The following PCDHA8 variants were observed in gnomAD, a reference collection of about 807,000 sequenced individuals.
PCDHA8 encodes protocadherin alpha-8.
Under a neutral mutation model 61.8 loss-of-function variants are expected in PCDHA8, and 53 were observed. The ratio of observed to expected loss-of-function variants is 0.86; its 90% confidence interval spans 0.69 to 1.08. The LOEUF is 1.08. Among genes scored for constraint, PCDHA8 ranks in the 50% least tolerant of loss-of-function variants. PCDHA8 has a pLI of 0.00. For missense variants in PCDHA8, 1,293 were observed against 1,245.0 expected (o/e 1.04, Z -0.58); for synonymous variants, 618 against 556.6 (o/e 1.11, Z -1.55).
At chr5:140,969,284 G>T (rs782449740) in intron 1 of PCDHA8, 1 of 1,614,216 alleles carries the variant, frequency 6.2e-7, no homozygotes, top group Non-Finnish European at 8.5e-7. Flanking sequence ...TGGTCAGAAT[G>T]CTGGGAACCT....
chr5:140,967,659 G>A, intron 1 of PCDHA8: 1 of 1,614,218 alleles, frequency 6.2e-7, no homozygotes, highest in Non-Finnish European at 8.5e-7. Flanking sequence ...TCCTTGAGCA[G>A]CTACACGTCG....
intron 1 of PCDHA8, chr5:140,861,317 C>T (rs1369177112): frequency 4.6e-6 from 1 of 217,818 alleles, no homozygotes; most frequent in Admixed American, 5.2e-5. Context: ...GGACCAGTTC[C>T]ACTACACCAT....
intron 1 of PCDHA8, among the ~76,000 whole-genome samples, chr5:140,917,340 T>TG (rs2078149834): frequency 7.5e-6 from 1 of 132,986 alleles, no homozygotes; most frequent in Non-Finnish European, 1.6e-5. Context: ...AGGGGGGGGA[T>TG]GGTGTAGGCT....
rs2045560608 is a variant in PCDHA8 at position 140,858,685 on chromosome 5, T to G, written c.2394+14970T>G. The G allele has an allele frequency of 1.3e-5, 8 of 595,874 alleles. No homozygotes were observed. The South Asian group carries it at 1.9e-4, about 14-fold the overall frequency. 36.9% of individuals were successfully genotyped at this position (595,874 alleles called of 1,614,324 possible). On this transcript the variant is annotated intron_variant, in intron 1 of 3. Transcript: ENST00000531613. ...TAACAATTTATTCTGAATACACTAA[T>G]ATTTTCCAATACAAATATGTGATAT... is the stretch of plus-strand genomic sequence containing the variant.
At chr5:140,992,430 C>T (rs1356224402) in intron 3 of PCDHA8, among the ~76,000 whole-genome samples, 1 of 152,042 alleles carries the variant, frequency 6.6e-6, no homozygotes, top group Non-Finnish European at 1.5e-5. Flanking sequence ...GAATATTGTT[C>T]CAAGAGTTGG....
chr5:140,926,798 C>T (rs1584463033), intron 1 of PCDHA8: 2 of 1,455,342 alleles, frequency 1.4e-6, no homozygotes, highest in East Asian at 2.5e-5. Context: ...GGAGCGTGCT[C>T]TTCCCCGCGG....
chr5:140,948,468 CT>C (rs1173060430), intron 1 of PCDHA8, among the ~76,000 whole-genome samples: 1 of 151,468 alleles, frequency 6.6e-6, no homozygotes, highest in African/African-American at 2.4e-5. Flanking sequence ...GGGAAAGTTT[CT>C]GATAATAAAT....
chr5:140,956,186 T>C (rs1305769419), intron 1 of PCDHA8, among the ~76,000 whole-genome samples: 1 of 152,204 alleles, frequency 6.6e-6, no homozygotes, highest in Non-Finnish European at 1.5e-5. Context: ...AATACTATGC[T>C]GAATAGGAGT....
chr5:140,879,467 C>T (rs1331120758), intron 1 of PCDHA8, among the ~76,000 whole-genome samples: 1 of 152,040 alleles, frequency 6.6e-6, no homozygotes, highest in Admixed American at 6.6e-5. Context: ...TAAGAGAATA[C>T]CGTTGTGATT....
At chr5:140,897,227 CA>C (rs1408350956) in intron 1 of PCDHA8, among the ~76,000 whole-genome samples, 2 of 152,036 alleles carry the variant, frequency 1.3e-5, no homozygotes, top group African/African-American at 2.4e-5. Context: ...TACATGTGCA[CA>C]ATGTGCAGGT....
chr5:140,853,230 G>T, intron 1 of PCDHA8: 1 of 982,608 alleles, frequency 1.0e-6, no homozygotes. Flanking sequence ...TGGTAATTTA[G>T]TCCTTCATAT....
intron 1 of PCDHA8, among the ~76,000 whole-genome samples, chr5:140,937,039 C>CTTT (rs34994034): frequency 3.6e-5 from 5 of 140,162 alleles, no homozygotes; most frequent in African/African-American, 5.3e-5. Context: ...TTCCATTTAT[C>CTTT]TTTTTTTTTT....
intron 1 of PCDHA8, among the ~76,000 whole-genome samples, chr5:140,939,879 T>C (rs565550218): frequency 2.0e-5 from 3 of 152,208 alleles, no homozygotes; most frequent in Non-Finnish European, 4.4e-5. Flanking sequence ...CTTTGCTAGT[T>C]GTGTTGTTCA....
chr5:140,994,272 CT>C (rs1359828811), intron 3 of PCDHA8, among the ~76,000 whole-genome samples: 4 of 152,168 alleles, frequency 2.6e-5, no homozygotes, highest in African/African-American at 9.7e-5. Flanking sequence ...GCTAGGCTGC[CT>C]TTCTTGAGAC....
At chr5:140,939,603 C>T (rs1158258856) in intron 1 of PCDHA8, among the ~76,000 whole-genome samples, 1 of 152,068 alleles carries the variant, frequency 6.6e-6, no homozygotes, top group Non-Finnish European at 1.5e-5. Flanking sequence ...TGCTCAAAAA[C>T]AGAACAAGGA....
intron 1 of PCDHA8, among the ~76,000 whole-genome samples, chr5:140,970,168 G>T (rs1050888983): frequency 6.6e-6 from 1 of 152,168 alleles, no homozygotes; most frequent in Non-Finnish European, 1.5e-5. Context: ...ACCTTTCTTG[G>T]CATACTCTGA....
intron 1 of PCDHA8, chr5:140,883,283 G>A (rs782514861): frequency 1.2e-6 from 2 of 1,614,034 alleles, no homozygotes; most frequent in Admixed American, 3.3e-5. Context: ...CCTTTTGGTG[G>A]AAGTACTAGA....
chr5:140,955,571 G>A (rs1371078633), intron 1 of PCDHA8, among the ~76,000 whole-genome samples: 2 of 152,158 alleles, frequency 1.3e-5, no homozygotes, highest in Non-Finnish European at 2.9e-5. Flanking sequence ...ACTGAACTGT[G>A]AGTCAATTAA....
Position 140,871,133 on chromosome 5 carries a change from C to A in PCDHA8, c.2394+27418C>A, listed in dbSNP as rs1156390839. On this transcript the variant is annotated intron_variant, in intron 1 of 3. Transcript: ENST00000531613. ...GTGGAGAGCGGACAGGCGCCAAAGG[C>A]CTCTTCCCGGACTTTGGCGGGCGCC... 29 of 1,613,274 alleles carry A rather than the reference C, an allele frequency of 1.8e-5. No homozygotes were observed. Among genetic ancestry groups the A allele is most frequent in the Non-Finnish European group, 2.5e-5 (29 of 1,179,916 alleles).
Sources: gnomAD v4.1 joint callset for allele counts (sites outside exome capture counted in the v4.1 genomes callset) on GRCh38, gnomAD v4.1.1 for gene constraint, MANE v1.5 for transcripts, NCBI Gene and HGNC (gene_info 2026-07-23, HGNC 2026-07-21) for gene names.